The following TLR6 variants were observed in gnomAD, a reference collection of about 807,000 sequenced individuals.
TLR6 encodes the protein toll-like receptor 6.
Under a neutral mutation model 16.1 loss-of-function variants are expected in TLR6, and 9 were observed. That is an observed-to-expected ratio of 0.56 (90% CI 0.34 to 0.98). The LOEUF (loss-of-function observed/expected upper bound fraction) is 0.98. TLR6 is among the 50% of genes least tolerant of loss of function. The pLI is 0.02. For missense variants in TLR6, 786 were observed against 921.0 expected, an observed-to-expected ratio of 0.85 and a Z score of 1.90; for synonymous variants, 340 against 338.6, an observed-to-expected ratio of 1.00 and a Z score of -0.04.
intron 1 of TLR6, among the ~76,000 whole-genome samples, chr4:38,851,065 G>A (rs944094667): frequency 6.6e-6 from 1 of 152,116 alleles, no homozygotes; most frequent in Non-Finnish European, 1.5e-5. Flanking sequence ...GGGATGCAAG[G>A]CTGTTTCAAC....
intron 1 of TLR6, among the ~76,000 whole-genome samples, chr4:38,837,680 G>C (rs1387702093): frequency 9.9e-5 from 15 of 152,146 alleles, no homozygotes; most frequent in Admixed American, 9.2e-4. Context: ...GAGGACACTG[G>C]TCTAGGTAAA....
At chr4:38,857,794 C>T (rs1713049888), upstream of TLR6, among the ~76,000 whole-genome samples, 1 of 152,150 alleles carries the variant, frequency 6.6e-6, no homozygotes, top group African/African-American at 2.4e-5. Flanking sequence ...TCAAACATAA[C>T]AGGAAGTCTC....
In TLR6 at chr4:38,828,437, ATG is replaced by A. The variant is rs1229827229; in HGVS notation, c.1035_1036del (p.Met346AlafsTer22). ...TGTGCTTGGTGCATGAGGACACAGC[ATG>A]TGTATAAAAGGTGTATCTGAAATGG... is the stretch of plus-strand genomic sequence containing the variant. On this transcript the variant is annotated frameshift_variant, in exon 2 of 2. Transcript: ENST00000436693. LOFTEE classifies it low-confidence loss of function (END_TRUNC). The A allele has an allele frequency of 5.0e-6, 8 of 1,614,158 alleles. No homozygotes were observed. Among genetic ancestry groups the A allele is most frequent in the Non-Finnish European group, 5.9e-6 (7 of 1,179,982 alleles).
At chr4:38,856,958 T>A (rs1191890249), upstream of TLR6, 1 of 152,190 alleles carries the variant, frequency 6.6e-6, no homozygotes, top group Non-Finnish European at 1.5e-5. Flanking sequence ...AGTTAGCAGT[T>A]TTTTCTGGGC....
chr4:38,859,189 C>T (rs977594212), upstream of TLR6, among the ~76,000 whole-genome samples: 6 of 152,202 alleles, frequency 3.9e-5, no homozygotes, highest in African/African-American at 1.4e-4. Flanking sequence ...ACTATGCTGC[C>T]TTAGAAGACA....
chr4:38,829,221 G>T lies in TLR6; in HGVS notation c.253C>A (p.His85Asn). Residue 85 changes from histidine to asparagine, a missense_variant, in exon 2 of 2, where the codon CAT becomes AAT. His to Asn is a moderately conservative substitution (Grantham distance 68). Transcript: ENST00000436693. ...AAATCAAGTAGCTGGATTCTGTTAT[G>T]GGAAAGTCTCAAAACTGTCAACTCT... 3.7e-6 allele frequency: 6 copies of T among 1,614,168 alleles called. No homozygotes were observed. In the South Asian group the frequency reaches 5.5e-5, roughly 15 times the overall value.
At chr4:38,823,797 TACC>T (rs1231537879) in exon 2 of TLR6, 1 of 152,158 alleles carries the variant, frequency 6.6e-6, no homozygotes, top group African/African-American at 2.4e-5. Flanking sequence ...GCGCGCATCC[TACC>T]GGGGCAATGG....
chr4:38,837,656 CA>C (rs1243458603), intron 1 of TLR6, among the ~76,000 whole-genome samples: 1 of 151,882 alleles, frequency 6.6e-6, no homozygotes, highest in Non-Finnish European at 1.5e-5. Flanking sequence ...TAAGAGAAAA[CA>C]GAAGAAATGC....
At chr4:38,828,757 A>T (rs754828481) in exon 2 of TLR6, 5 of 1,613,730 alleles carry the variant, frequency 3.1e-6, no homozygotes, top group Non-Finnish European at 8.5e-7. Flanking sequence ...ATAAAAATTT[A>T]ATGAAAACTT....
chr4:38,832,356 C>T (rs964866839), intron 1 of TLR6, among the ~76,000 whole-genome samples: 3 of 152,096 alleles, frequency 2.0e-5, no homozygotes, highest in Admixed American at 1.3e-4. Flanking sequence ...AGTGAAGCAG[C>T]CAGCCCAGCT....
chr4:38,834,247 A>AT (rs1364833598), intron 1 of TLR6, among the ~76,000 whole-genome samples: 231 of 147,436 alleles, frequency 1.6e-3, no homozygotes, highest in African/African-American at 4.6e-3. Flanking sequence ...TCAAAAAAAA[A>AT]ATATATATAT....
At chr4:38,823,134 C>T (rs1341760538), downstream of TLR6, among the ~76,000 whole-genome samples, 1 of 152,194 alleles carries the variant, frequency 6.6e-6, no homozygotes, top group Non-Finnish European at 1.5e-5. Context: ...CCCACTGGGT[C>T]CCTCCCACAA....
chr4:38,857,594 G>A (rs1295482809), upstream of TLR6, among the ~76,000 whole-genome samples: 1 of 152,008 alleles, frequency 6.6e-6, no homozygotes, highest in Non-Finnish European at 1.5e-5. Context: ...AAGGACAGAA[G>A]GCATGAGTGA....
At chr4:38,833,110 T>C (rs1336310435) in intron 1 of TLR6, among the ~76,000 whole-genome samples, 1 of 152,150 alleles carries the variant, frequency 6.6e-6, no homozygotes, top group Non-Finnish European at 1.5e-5. Context: ...TGTCTACCAC[T>C]TGGGGGCCAG....
chr4:38,855,435 C>T (rs1249924912), intron 1 of TLR6, among the ~76,000 whole-genome samples: 1 of 152,006 alleles, frequency 6.6e-6, no homozygotes, highest in African/African-American at 2.4e-5. Context: ...CCTTTATAAT[C>T]CAAAAAAGTT....
At position 38,854,529 on chromosome 4, in the gene TLR6, GAT is replaced by G. The variant is rs1712892477; in HGVS notation, c.-65+2230_-65+2231del. Among the ~76,000 whole-genome samples, 3 of 146,772 alleles carry G rather than the reference GAT, an allele frequency of 2.0e-5. No homozygotes were observed. In the Admixed American group the frequency reaches 2.1e-4, roughly 10 times the overall value. On this transcript the variant is annotated intron_variant, in intron 1 of 1. Coordinates refer to ENST00000436693, the Ensembl canonical transcript of TLR6. ...TCTTAAAAGATTTTTTAAAAGGCAAGATTTTTTTTTCACCTATCAAATAGGGA... is the reference window on the plus strand; with the variant it reads ...TCTTAAAAGATTTTTTAAAAGGCAAGTTTTTTTTCACCTATCAAATAGGGA...
At chr4:38,833,064 T>A (rs1197064492) in intron 1 of TLR6, among the ~76,000 whole-genome samples, 1 of 151,208 alleles carries the variant, frequency 6.6e-6, no homozygotes, top group Non-Finnish European at 1.5e-5. Flanking sequence ...CCACACGGGG[T>A]CCTGAGGACT....
chr4:38,843,442 A>T (rs1442042124), intron 1 of TLR6, among the ~76,000 whole-genome samples: 1 of 152,270 alleles, frequency 6.6e-6, no homozygotes, highest in Non-Finnish European at 1.5e-5. Context: ...ATCAGGGGAT[A>T]TACTGGAAAT....
chr4:38,857,259 GT>G (rs1413313211), upstream of TLR6, among the ~76,000 whole-genome samples: 2 of 151,488 alleles, frequency 1.3e-5, no homozygotes, highest in African/African-American at 2.4e-5. Flanking sequence ...CACAATTTGG[GT>G]TTTTTTTTAA....
Sources: allele counts gnomAD v4.1 joint callset (sites outside exome capture counted in the v4.1 genomes callset), GRCh38; gene constraint gnomAD v4.1.1; transcripts MANE v1.5; gene names NCBI Gene and HGNC (gene_info 2026-07-23, HGNC 2026-07-21).